The following CDYL2 variants were observed in gnomAD, a reference collection of about 807,000 sequenced individuals.
The protein encoded by CDYL2 is chromodomain Y-like protein 2.
CDYL2 carries 23 observed loss-of-function variants against 49.4 expected under a neutral mutation model. The observed-to-expected ratio is 0.47, with a 90% CI of 0.34 to 0.66. The LOEUF is 0.66. CDYL2 is among the 30% of genes least tolerant of loss of function. The pLI is 0.01. For missense variants in CDYL2, 678 were observed against 656.4 expected, an observed-to-expected ratio of 1.03 and a Z score of -0.36; for synonymous variants, 360 against 268.8, an observed-to-expected ratio of 1.34 and a Z score of -3.32.
chr16:80,701,168 TATC>T (rs1214155930), intron 1 of CDYL2, among the ~76,000 whole-genome samples: 1 of 152,244 alleles, frequency 6.6e-6, no homozygotes, highest in Non-Finnish European at 1.5e-5. Context: ...ACAGGGACTC[TATC>T]AAAGTAGAAC....
intron 1 of CDYL2, among the ~76,000 whole-genome samples, chr16:80,758,828 C>T (rs1024513197): frequency 6.6e-6 from 1 of 151,526 alleles, no homozygotes; most frequent in African/African-American, 2.4e-5. Flanking sequence ...AGGCGTGAGC[C>T]ACCACGCCCG....
intron 1 of CDYL2, among the ~76,000 whole-genome samples, chr16:80,768,921 T>C (rs1287202248): frequency 6.6e-6 from 1 of 152,204 alleles, no homozygotes; most frequent in East Asian, 1.9e-4. Context: ...CCATAAATAT[T>C]AGCTATTGTT....
intron 1 of CDYL2, among the ~76,000 whole-genome samples, chr16:80,782,530 G>GAAAAAA (rs1188248662): frequency 1.1e-4 from 4 of 35,788 alleles, no homozygotes; most frequent in Non-Finnish European, 1.8e-4. Flanking sequence ...GACATAAGGA[G>GAAAAAA]AAAAAAAAAA....
At chr16:80,768,986 C>A (rs1267911073) in intron 1 of CDYL2, among the ~76,000 whole-genome samples, 1 of 152,188 alleles carries the variant, frequency 6.6e-6, no homozygotes, top group African/African-American at 2.4e-5. Flanking sequence ...CCACCAGCCT[C>A]CTACTTGAAA....
At chr16:80,743,122 T>C (rs1440220818) in intron 1 of CDYL2, among the ~76,000 whole-genome samples, 2 of 152,186 alleles carry the variant, frequency 1.3e-5, no homozygotes, top group Non-Finnish European at 2.9e-5. Flanking sequence ...TGGTAGCATG[T>C]CGTCATTTTT....
chr16:80,742,788 G>A (rs1905790777), intron 1 of CDYL2, among the ~76,000 whole-genome samples: 1 of 141,802 alleles, frequency 7.1e-6, no homozygotes, highest in African/African-American at 2.6e-5. Flanking sequence ...ATGGGCAGAT[G>A]GATGGACTGA....
At chr16:80,633,376 G>T in intron 2 of CDYL2, 140 bp from the exon 3 acceptor site, 1 of 777,300 alleles carries the variant, frequency 1.3e-6, no homozygotes, top group Middle Eastern at 3.4e-4. Context: ...GCCACCCTCT[G>T]TTCTAGGAAG....
At chr16:80,713,955 C>T (rs1468812826) in intron 1 of CDYL2, among the ~76,000 whole-genome samples, 4 of 152,148 alleles carry the variant, frequency 2.6e-5, no homozygotes, top group African/African-American at 9.7e-5. Context: ...GAATGTGCTT[C>T]CAGACGGGTC....
Position 80,608,084 on chromosome 16 carries a change from G to T in CDYL2, c.1362+8C>A, listed in dbSNP as rs771653331. 8.3e-6 allele frequency: 13 copies of T among 1,567,948 alleles called. No individual in the cohort carries two copies. The highest frequency in any genetic ancestry group is 1.1e-5 in the Non-Finnish European group (13 of 1,155,332). ...AAGGACAAGCACGCAGGAGGCGCAG[G>T]AACTCACCACGGCACTGCAGGATGC... On this transcript the variant is annotated splice_region_variant and intron_variant, in intron 6 of 6. Transcript: ENST00000570137.
chr16:80,675,363 C>T (rs1203582149), intron 2 of CDYL2, among the ~76,000 whole-genome samples: 2 of 152,196 alleles, frequency 1.3e-5, no homozygotes. Flanking sequence ...TGTTATGTTG[C>T]TATGTTGTTA....
chr16:80,601,760 G>A lies in CDYL2; in HGVS notation c.*2628C>T, dbSNP rs1247475289. Reference sequence around the variant, plus strand: ...TTTCACCCAATTGGTGGAACTGACTGTATGGAAACAACCAAAATACAGACT... The same window carrying A: ...TTTCACCCAATTGGTGGAACTGACTATATGGAAACAACCAAAATACAGACT... On this transcript the variant is annotated 3_prime_UTR_variant, in exon 7 of 7. Transcript: ENST00000570137. The A allele has an allele frequency of 2.0e-5, 3 of 152,184 alleles. No homozygotes were observed. Among genetic ancestry groups the A allele is most frequent in the Admixed American group, 1.3e-4 (2 of 15,284 alleles). 9.4% of individuals were successfully genotyped at this position (152,184 alleles called of 1,614,324 possible).
chr16:80,756,794 A>T (rs988438827), intron 1 of CDYL2, among the ~76,000 whole-genome samples: 1 of 152,096 alleles, frequency 6.6e-6, no homozygotes, highest in African/African-American at 2.4e-5. Flanking sequence ...CAGAAAATAT[A>T]CTTCCATCAG....
chr16:80,672,067 C>T (rs1314883745), intron 2 of CDYL2, among the ~76,000 whole-genome samples: 3 of 152,252 alleles, frequency 2.0e-5, no homozygotes, highest in Middle Eastern at 3.4e-3. Context: ...TTAAGCACCC[C>T]TAATCTGATA....
intron 6 of CDYL2, 91 bp from the exon 7 acceptor site, chr16:80,604,637 C>A (rs889552122): frequency 7.3e-7 from 1 of 1,361,866 alleles, no homozygotes; most frequent in African/African-American, 1.4e-5. Context: ...GGCCAACCTC[C>A]CATACTCACA....
At chr16:80,720,574 T>C (rs1431122516) in intron 1 of CDYL2, among the ~76,000 whole-genome samples, 1 of 152,244 alleles carries the variant, frequency 6.6e-6, no homozygotes, top group Non-Finnish European at 1.5e-5. Flanking sequence ...GGTATTTTGC[T>C]CAGGAGTATC....
intron 1 of CDYL2, among the ~76,000 whole-genome samples, chr16:80,795,121 G>C (rs1171268247): frequency 6.6e-6 from 1 of 152,148 alleles, no homozygotes; most frequent in African/African-American, 2.4e-5. Flanking sequence ...TGGACTAGAA[G>C]ACAAGGTAAT....
At chr16:80,759,674 A>T (rs971419751) in intron 1 of CDYL2, among the ~76,000 whole-genome samples, 2 of 152,304 alleles carry the variant, frequency 1.3e-5, no homozygotes, top group Non-Finnish European at 1.5e-5. Context: ...TGATACCTGG[A>T]AGTAAATGTA....
chr16:80,704,809 G>A (rs538783631), intron 1 of CDYL2, among the ~76,000 whole-genome samples: 2 of 152,230 alleles, frequency 1.3e-5, no homozygotes, highest in East Asian at 1.9e-4. Flanking sequence ...AGCCAAAAGG[G>A]ACTGGGGCAT....
chr16:80,611,383 G>A (rs747207713), intron 5 of CDYL2, among the ~76,000 whole-genome samples: 1 of 152,176 alleles, frequency 6.6e-6, no homozygotes, highest in Non-Finnish European at 1.5e-5. Flanking sequence ...TATGAAATAA[G>A]GATTAGCCCA....
Sources: allele counts gnomAD v4.1 joint callset (sites outside exome capture counted in the v4.1 genomes callset), GRCh38; gene constraint gnomAD v4.1.1; transcripts MANE v1.5; gene names NCBI Gene and HGNC (gene_info 2026-07-23, HGNC 2026-07-21).